JADE1: variants seen among roughly 807,000 people sequenced by gnomAD.
The protein encoded by JADE1 is jade family PHD finger 1.
A neutral mutation model predicts 81.8 loss-of-function variants in JADE1; 14 were observed. The observed-to-expected ratio is 0.17, with a 90% CI of 0.11 to 0.27. The LOEUF is 0.27. Ranked by LOEUF, JADE1 falls within the 10% of genes least tolerant of loss-of-function variation. JADE1 has a pLI of 1.00. For synonymous variants in JADE1, 353 were observed against 391.9 expected (o/e 0.90, Z 1.17); for missense variants, 690 against 1,047.9 (o/e 0.66, Z 4.71).
chr4:128,869,647 A>G (rs1732041550), intron 10 of JADE1, among the ~76,000 whole-genome samples: 1 of 152,194 alleles, frequency 6.6e-6, no homozygotes, highest in African/African-American at 2.4e-5. Context: ...TGAGCGAATG[A>G]TATTCTTAAT....
chr4:128,871,715 A>G lies in JADE1; in HGVS notation c.1982A>G (p.Asp661Gly), dbSNP rs748016049. 2.2e-5 allele frequency: 36 copies of G among 1,614,048 alleles called. 1 individual carries two copies. In the South Asian group the frequency reaches 3.7e-4, roughly 17 times the overall value. ...ATGCCAGACCATGGGAAAAGAAGAGACAATCGTTTTCATTGTGATCTCATT... is the reference window on the plus strand; with the variant it reads ...ATGCCAGACCATGGGAAAAGAAGAGGCAATCGTTTTCATTGTGATCTCATT... ...VVMPDHGKRR[D>G]NRFHCDLIKG... Residue 661 changes from aspartate to glycine, a missense_variant, in exon 11 of 11, where the codon GAC (aspartate) becomes GGC (glycine). By Grantham distance (94) the Asp-to-Gly change is moderately conservative. This residue lies in a region of JADE1 where 218 missense variants were observed against 274.3 expected (regional missense o/e 0.79). Transcript: ENST00000226319. This position sits in a 1 kb window ranked among gnomAD's most constrained non-coding sequence, Gnocchi z 4.1.
chr4:128,812,718 C>T (rs184888119), intron 1 of JADE1, among the ~76,000 whole-genome samples: 5 of 152,368 alleles, frequency 3.3e-5, no homozygotes, highest in Admixed American at 1.3e-4. Flanking sequence ...AGGAATGCGT[C>T]GTCATCCGGA....
At chr4:128,865,461 G>A (rs1731712546) in intron 9 of JADE1, among the ~76,000 whole-genome samples, 1 of 152,158 alleles carries the variant, frequency 6.6e-6, no homozygotes, top group Admixed American at 6.5e-5. Context: ...GCAGGCAGTT[G>A]GGAGAAGATA....
intron 7 of JADE1, among the ~76,000 whole-genome samples, chr4:128,856,301 G>T (rs1730790308): frequency 1.3e-5 from 2 of 152,170 alleles, no homozygotes; most frequent in Admixed American, 6.5e-5. Flanking sequence ...ATCTTGTCAT[G>T]GAATGTAGAT....
At chr4:128,813,406 A>C (rs1352152947) in intron 1 of JADE1, among the ~76,000 whole-genome samples, 5 of 76,304 alleles carry the variant, frequency 6.6e-5, no homozygotes, top group Non-Finnish European at 1.1e-4. Flanking sequence ...ACTTACGGTC[A>C]CTTTTTTTTT....
intron 1 of JADE1, among the ~76,000 whole-genome samples, chr4:128,814,370 C>G (rs888870494): frequency 2.0e-5 from 3 of 152,144 alleles, no homozygotes; most frequent in African/African-American, 7.2e-5. Flanking sequence ...TTGACTTTAG[C>G]TGTTAAAAAG....
chr4:128,835,527 C>T (rs982830765), intron 2 of JADE1, among the ~76,000 whole-genome samples: 2 of 152,168 alleles, frequency 1.3e-5, no homozygotes, highest in Admixed American at 6.5e-5. Context: ...CCTGCTGTCC[C>T]TGCTTTCAGG....
intron 2 of JADE1, 132 bp downstream of exon 2, chr4:128,831,942 G>C (rs1237899483): frequency 2.5e-6 from 2 of 790,118 alleles, no homozygotes; most frequent in Non-Finnish European, 4.4e-6. Flanking sequence ...CCAAAGCCTG[G>C]AGAAACGTAC....
chr4:128,813,542 C>A (rs1407474865), intron 1 of JADE1, among the ~76,000 whole-genome samples: 1 of 152,022 alleles, frequency 6.6e-6, no homozygotes, highest in Non-Finnish European at 1.5e-5. Flanking sequence ...CCTCAGCCCC[C>A]TGAGTAGCTG....
intron 10 of JADE1, among the ~76,000 whole-genome samples, chr4:128,870,335 G>T (rs1256320698): frequency 1.3e-5 from 2 of 151,856 alleles, no homozygotes; most frequent in Non-Finnish European, 2.9e-5. Context: ...TGAGCACTAG[G>T]TTCTCATATG....
rs765024662 is a variant in JADE1 at position 128,849,085 on chromosome 4, G to T, written c.402G>T (p.Leu134=). ...TGGGCTATGTGGACATCCGGACGCT[G>T]GCTGACAGCGTGTGTCGCTATGACC... ...PELGYVDIRT[L]ADSVCRYDLN... is the part of the protein sequence containing the mutation. The change falls in exon 5 of 11, where the codon CTG becomes CTT. Residue 134 remains leucine (L), a synonymous_variant. Coordinates refer to ENST00000226319, the MANE Select transcript of JADE1 (RefSeq NM_199320.4). 83 of 1,613,992 alleles carry T rather than the reference G, an allele frequency of 5.1e-5. No homozygotes were observed. In the South Asian group the frequency reaches 8.5e-4, roughly 16 times the overall value.
At position 128,823,911 on chromosome 4, in the gene JADE1, A is replaced by G. The variant is rs536688189; in HGVS notation, c.-26-7822A>G. 2.0e-5 allele frequency among the ~76,000 whole-genome samples: 3 copies of G among 152,326 alleles called. No homozygotes were observed. The South Asian group carries it at 6.2e-4, about 32-fold the overall frequency. ...GTAAGAAACCAGCTGGGTTTCCTTC[A>G]CATTCATTTAGGGGCAGGTGGACAG... is the stretch of plus-strand genomic sequence containing the variant. On this transcript the variant is annotated intron_variant, in intron 1 of 10. Transcript: ENST00000226319.
chr4:128,847,587 A>T (rs1729974086), intron 4 of JADE1, among the ~76,000 whole-genome samples: 1 of 152,204 alleles, frequency 6.6e-6, no homozygotes, highest in Non-Finnish European at 1.5e-5. Flanking sequence ...GAGATGCAGC[A>T]TCACCTGATT....
chr4:128,841,308 T>G (rs1729415433), intron 2 of JADE1, among the ~76,000 whole-genome samples: 1 of 152,080 alleles, frequency 6.6e-6, no homozygotes, highest in African/African-American at 2.4e-5. Context: ...CATGTGGGTG[T>G]TAGGGTTGTT....
At position 128,874,231 on chromosome 4, in the gene JADE1, A is replaced by T. The variant is rs571280064; in HGVS notation, c.*1969A>T. The T allele has an allele frequency of 6.6e-6, 1 of 152,646 alleles. No homozygotes were observed. Among genetic ancestry groups the T allele is most frequent in the Non-Finnish European group, 1.5e-5 (1 of 68,040 alleles). 9.5% of individuals were successfully genotyped at this position (152,646 alleles called of 1,614,324 possible). ...CAGGAGAAGGTTGGACTTTATCTACAGTTATCTTTTGATTACAGCAACAGC... is the reference window on the plus strand; with the variant it reads ...CAGGAGAAGGTTGGACTTTATCTACTGTTATCTTTTGATTACAGCAACAGC... On this transcript the variant is annotated 3_prime_UTR_variant, in exon 11 of 11. Coordinates refer to ENST00000226319, the MANE Select transcript of JADE1 (RefSeq NM_199320.4).
At position 128,874,573 on chromosome 4, in the gene JADE1, C is replaced by T. The variant is rs960338698; in HGVS notation, c.*2311C>T. ...AAGCCCACACTTTTTATTCCTGCTT[C>T]GAAATGCAAATGGATAGAGCACGGT... is the stretch of plus-strand genomic sequence containing the variant. On this transcript the variant is annotated 3_prime_UTR_variant, in exon 11 of 11. Transcript: ENST00000226319. 2 of 152,470 alleles carry T rather than the reference C, an allele frequency of 1.3e-5. No homozygotes were observed. Among genetic ancestry groups the T allele is most frequent in the Admixed American group, 6.6e-5 (1 of 15,252 alleles). 9.4% of individuals were successfully genotyped at this position (152,470 alleles called of 1,614,324 possible).
chr4:128,811,636 G>C (rs1022088062), intron 1 of JADE1, among the ~76,000 whole-genome samples: 3 of 92,448 alleles, frequency 3.2e-5, no homozygotes, highest in African/African-American at 5.7e-5. Context: ...GCCCGGGCCG[G>C]GGTGGGGGGT....
intron 2 of JADE1, 83 bp downstream of exon 2, chr4:128,831,893 T>G (rs778286012): frequency 2.9e-5 from 36 of 1,227,860 alleles, no homozygotes; most frequent in Non-Finnish European, 4.0e-5. Flanking sequence ...ATGCTTTAAA[T>G]TGCTGAGGCC....
At chr4:128,812,212 G>T in intron 1 of JADE1, among the ~76,000 whole-genome samples, 1 of 152,086 alleles carries the variant, frequency 6.6e-6, no homozygotes, top group Non-Finnish European at 1.5e-5. Context: ...CCACGAGAAG[G>T]TGTCATCACT....
Sources: gnomAD v4.1 joint callset for allele counts (sites outside exome capture counted in the v4.1 genomes callset) on GRCh38, gnomAD v4.1.1 for gene constraint, gnomAD v4.1.1 regional missense constraint, Gnocchi (gnomAD v3.1) non-coding constraint, MANE v1.5 for transcripts, NCBI Gene and HGNC (gene_info 2026-07-23, HGNC 2026-07-21) for gene names.